Variants in C11orf65 observed in about 807,000 individuals in gnomAD.
The protein encoded by C11orf65 is chromosome 11 open reading frame 65.
In C11orf65, 38 loss-of-function variants were observed where a neutral mutation model predicts 35.3. The observed-to-expected ratio is 1.08, with a 90% confidence interval of 0.83 to 1.41. The LOEUF is 1.41. Among genes scored for constraint, C11orf65 ranks in the 40% most tolerant of loss-of-function variants. The pLI, the probability that C11orf65 is intolerant of heterozygous loss-of-function variation, is 0.00. For missense variants in C11orf65, 370 were observed against 367.1 expected, an observed-to-expected ratio of 1.01 and a Z score of -0.06; for synonymous variants, 105 against 114.4, an observed-to-expected ratio of 0.92 and a Z score of 0.53.
chr11:108,467,065 G>T lies in C11orf65; in HGVS notation c.-10+406C>A, dbSNP rs181358341. On this transcript the variant is annotated intron_variant, in intron 1 of 8. Transcript: ENST00000393084. Reference sequence around the variant, plus strand: ...AAAGACGTAAAACAAATGGGAGGGGGCAAAGGAAAGAAATGAGGAAAAATC... The same window carrying T: ...AAAGACGTAAAACAAATGGGAGGGGTCAAAGGAAAGAAATGAGGAAAAATC... Among the ~76,000 whole-genome samples, 317 of 152,294 alleles carry T rather than the reference G, an allele frequency of 2.1e-3. 1 individual carries two copies. Among genetic ancestry groups the T allele is most frequent in the African/African-American group, 7.2e-3 (300 of 41,564 alleles).
At chr11:108,358,559 C>T (rs2090322753) in intron 2 of C11orf65, among the ~76,000 whole-genome samples, 1 of 125,960 alleles carries the variant, frequency 7.9e-6, no homozygotes, top group African/African-American at 3.0e-5. Flanking sequence ...GGTCGGGTTA[C>T]CCTCAAAGGG....
intron 3 of C11orf65, among the ~76,000 whole-genome samples, chr11:108,418,448 A>G (rs554039821): frequency 2.0e-5 from 3 of 152,156 alleles, no homozygotes; most frequent in Non-Finnish European, 4.4e-5. Flanking sequence ...AAATTTTAAA[A>G]TATTTTGAAC....
At chr11:108,339,957 A>G (rs765720760) in intron 2 of C11orf65, among the ~76,000 whole-genome samples, 1 of 152,182 alleles carries the variant, frequency 6.6e-6, no homozygotes, top group Non-Finnish European at 1.5e-5. Flanking sequence ...AATAAATGTG[A>G]ATTTATATAC....
chr11:108,308,851 C>G, exon 7 of C11orf65: 1 of 592,978 alleles, frequency 1.7e-6, no homozygotes, highest in Non-Finnish European at 2.9e-6. Flanking sequence ...GTTATTTTAC[C>G]TTAGAGTTTT....
chr11:108,343,830 T>G (rs1205850729), intron 2 of C11orf65, among the ~76,000 whole-genome samples: 2 of 152,066 alleles, frequency 1.3e-5, no homozygotes, highest in African/African-American at 4.8e-5. Context: ...ATGAAGTAAT[T>G]TTTTATGAAA....
chr11:108,439,074 A>G (rs904440933), intron 2 of C11orf65, among the ~76,000 whole-genome samples: 1 of 152,190 alleles, frequency 6.6e-6, no homozygotes, highest in Non-Finnish European at 1.5e-5. Context: ...CAATCCACAA[A>G]ATGGGAGAAA....
chr11:108,395,202 G>A (rs2092277759), intron 6 of C11orf65, among the ~76,000 whole-genome samples: 1 of 151,282 alleles, frequency 6.6e-6, no homozygotes, highest in Non-Finnish European at 1.5e-5. Flanking sequence ...ATAAATCCAT[G>A]TGGGATGGGC....
chr11:108,385,927 GT>G lies in C11orf65; in HGVS notation c.779del (p.Asn260ThrfsTer43). On this transcript the variant is annotated frameshift_variant, in exon 8 of 9. Coordinates refer to ENST00000393084, the MANE Select transcript of C11orf65 (RefSeq NM_152587.5). LOFTEE classifies it low-confidence loss of function (END_TRUNC). ...KEIATSNSSA[N>X]FKGFRFNQAQ... ...CTGCTAAAAATCACCTACCTTTGAA[GT>G]TAGCCGAAGAGTTGCTTGTAGCAAT... The G allele has an allele frequency of 6.2e-7, 1 of 1,613,780 alleles. No individual in the cohort carries two copies. Among genetic ancestry groups the G allele is most frequent in the South Asian group, 1.1e-5 (1 of 91,028 alleles).
chr11:108,330,159 G>A (rs1161989103), downstream of C11orf65: 1 of 1,558,652 alleles, frequency 6.4e-7, no homozygotes, highest in Non-Finnish European at 8.8e-7. Flanking sequence ...GTGTGATTTT[G>A]TAGTTCTGTT....
intron 2 of C11orf65, among the ~76,000 whole-genome samples, chr11:108,435,410 T>G (rs2093046990): frequency 6.6e-6 from 1 of 152,094 alleles, no homozygotes; most frequent in South Asian, 2.1e-4. Flanking sequence ...CCAGTAGAAA[T>G]TAAGGAAGAT....
chr11:108,321,531 C>G, intron 6 of C11orf65: 1 of 1,506,684 alleles, frequency 6.6e-7, no homozygotes, highest in Non-Finnish European at 9.1e-7. Flanking sequence ...GCCTGTAATC[C>G]TAGCACTTTA....
At chr11:108,347,217 G>A (rs2137074206) in intron 2 of C11orf65, 2 of 1,236,352 alleles carry the variant, frequency 1.6e-6, no homozygotes, top group Non-Finnish European at 2.4e-6. Flanking sequence ...TTGAAATTAT[G>A]GCTATATATT....
At chr11:108,390,110 A>C (rs536851718) in intron 7 of C11orf65, among the ~76,000 whole-genome samples, 2 of 151,408 alleles carry the variant, frequency 1.3e-5, no homozygotes, top group South Asian at 4.2e-4. Flanking sequence ...TGCAACCTCC[A>C]CCTCCTGGGT....
At chr11:108,443,461 T>C (rs917178405) in intron 2 of C11orf65, among the ~76,000 whole-genome samples, 49 of 152,266 alleles carry the variant, frequency 3.2e-4, no homozygotes, top group Non-Finnish European at 6.0e-4. Context: ...AACTCAGCTC[T>C]GCACCAAGCA....
At chr11:108,341,702 T>C (rs562139003) in intron 2 of C11orf65, among the ~76,000 whole-genome samples, 3 of 152,290 alleles carry the variant, frequency 2.0e-5, no homozygotes, top group South Asian at 2.1e-4. Flanking sequence ...CATTTTAATA[T>C]AAAGAACAAG....
chr11:108,435,969 C>A (rs1202463225), intron 2 of C11orf65, among the ~76,000 whole-genome samples: 1 of 152,022 alleles, frequency 6.6e-6, no homozygotes, highest in Non-Finnish European at 1.5e-5. Context: ...GGAAATTATC[C>A]TCATTGGCCC....
At chr11:108,445,219 G>A (rs1397895688) in intron 2 of C11orf65, among the ~76,000 whole-genome samples, 4 of 152,202 alleles carry the variant, frequency 2.6e-5, no homozygotes, top group Admixed American at 2.6e-4. Flanking sequence ...AACCTCTGCA[G>A]ACTTACATGT....
downstream of C11orf65, chr11:108,330,161 AGTT>A: frequency 6.4e-7 from 1 of 1,559,426 alleles, no homozygotes; most frequent in South Asian, 1.1e-5. Flanking sequence ...GTGATTTTGT[AGTT>A]CTGTTAAAGT....
chr11:108,389,089 A>G (rs1404717969), intron 7 of C11orf65, among the ~76,000 whole-genome samples: 1 of 152,266 alleles, frequency 6.6e-6, no homozygotes, highest in Admixed American at 6.5e-5. Context: ...ATGCCATTCT[A>G]ACTGTCCAAC....
Sources: allele counts gnomAD v4.1 joint callset (sites outside exome capture counted in the v4.1 genomes callset), GRCh38; gene constraint gnomAD v4.1.1; transcripts MANE v1.5; gene names NCBI Gene and HGNC (gene_info 2026-07-23, HGNC 2026-07-21).